The following PUM3 variants were observed in gnomAD, a reference collection of about 807,000 sequenced individuals.
The protein encoded by PUM3 is pumilio RNA binding family member 3.
In PUM3, 91 loss-of-function variants were observed where a neutral mutation model predicts 84.0. The observed-to-expected ratio is 1.08, with a 90% CI of 0.91 to 1.29. PUM3 has a LOEUF of 1.29. PUM3 is among the 50% of genes most tolerant of loss of function. The pLI, the probability that PUM3 is intolerant of heterozygous loss-of-function variation, is 0.00. For synonymous variants in PUM3, 321 were observed against 266.7 expected, an observed-to-expected ratio of 1.20 and a Z score of -1.98; for missense variants, 1,067 against 767.5, an observed-to-expected ratio of 1.39 and a Z score of -4.61.
chr9:2,834,121 T>G lies in PUM3; in HGVS notation c.350A>C (p.Lys117Thr). 2 of 1,613,700 alleles carry G rather than the reference T, an allele frequency of 1.2e-6. No homozygotes were observed. The highest frequency in any genetic ancestry group is 1.7e-6 in the Non-Finnish European group (2 of 1,179,750). The change falls in exon 4 of 18, where the codon AAG becomes ACG. Residue 117 changes from lysine (K) to threonine (T), a missense_variant. Coordinates refer to ENST00000397885, the MANE Select transcript of PUM3 (RefSeq NM_014878.5). ...TTGTCTGCTTTGCTTCAGTTCTTTC[T>G]TCTTCTTTTTGAAGTCATCCCATTT... is the stretch of plus-strand genomic sequence containing the variant. ...KPKWDDFKKK[K>T]KELKQSRQLS...
intron 3 of PUM3, 135 bp downstream of exon 3, chr9:2,837,045 G>T: frequency 1.4e-6 from 1 of 714,514 alleles, no homozygotes; most frequent in South Asian, 1.8e-5. Flanking sequence ...ATGCTTTGTT[G>T]TTTATTTAAG....
intron 10 of PUM3, among the ~76,000 whole-genome samples, chr9:2,826,607 T>C (rs1227360956): frequency 6.6e-6 from 1 of 152,224 alleles, no homozygotes; most frequent in African/African-American, 2.4e-5. Context: ...ATGACTGACT[T>C]GAAGGGCAGT....
At chr9:2,807,681 G>C (rs1329427553) in intron 17 of PUM3, 133 bp downstream of exon 17, 1 of 423,264 alleles carries the variant, frequency 2.4e-6, no homozygotes, top group African/African-American at 2.1e-5. Context: ...TGGTATGTTT[G>C]TCTAGACCAT....
At chr9:2,841,311 G>A (rs1816258498) in intron 1 of PUM3, among the ~76,000 whole-genome samples, 1 of 152,152 alleles carries the variant, frequency 6.6e-6, no homozygotes, top group South Asian at 2.1e-4. Context: ...AGGCTTGCAT[G>A]GTGGCTCACA....
intron 7 of PUM3, 47 bp downstream of exon 7, chr9:2,830,915 C>T (rs41272897): frequency 0.058 from 57,203 of 989,292 alleles, 2,414 homozygotes; most frequent in African/African-American, 0.18. Flanking sequence ...GAAACCATGT[C>T]TTCAAAAGAC....
At chr9:2,807,557 C>T (rs1229932312) in intron 17 of PUM3, among the ~76,000 whole-genome samples, 1 of 118,040 alleles carries the variant, frequency 8.5e-6, no homozygotes, top group Non-Finnish European at 1.6e-5. Context: ...GAGCTGAGAT[C>T]GTGACACTGC....
intron 14 of PUM3, 23 bp downstream of exon 14, chr9:2,812,197 C>A: frequency 1.2e-6 from 2 of 1,607,330 alleles, no homozygotes; most frequent in South Asian, 1.1e-5. Context: ...ATAAAGAAGT[C>A]AAGCCATTCT....
chr9:2,842,123 G>A (rs1385188063), intron 1 of PUM3, among the ~76,000 whole-genome samples: 2 of 152,126 alleles, frequency 1.3e-5, no homozygotes, highest in East Asian at 1.9e-4. Context: ...TTTTTGCACT[G>A]GGCAAAATGC....
In PUM3 at chr9:2,812,212, G is replaced by C; in HGVS notation, c.1412+8C>G. On this transcript the variant is annotated splice_region_variant and intron_variant, in intron 14 of 17. Transcript: ENST00000397885. ...ATAAAGAAGTCAAGCCATTCTACTT[G>C]GTTTTACCTGTGTGCATTTCCATCT... The C allele has an allele frequency of 6.2e-7, 1 of 1,611,812 alleles. No individual in the cohort carries two copies. Among genetic ancestry groups the C allele is most frequent in the South Asian group, 1.1e-5 (1 of 90,980 alleles).
intron 5 of PUM3, 89 bp from the exon 6 acceptor site, chr9:2,831,433 T>TAAAAAAA: frequency 1.2e-6 from 1 of 835,878 alleles, no homozygotes; most frequent in South Asian, 1.5e-5. Context: ...AATTTCTTGT[T>TAAAAAAA]AGAAAAAAAG....
chr9:2,842,086 T>C (rs1003596058), intron 1 of PUM3, among the ~76,000 whole-genome samples: 4 of 152,226 alleles, frequency 2.6e-5, no homozygotes, highest in Admixed American at 6.5e-5. Context: ...CATGGAATCA[T>C]ACAATATGTA....
At chr9:2,826,076 T>C (rs1432949546) in intron 10 of PUM3, among the ~76,000 whole-genome samples, 1 of 152,032 alleles carries the variant, frequency 6.6e-6, no homozygotes, top group Non-Finnish European at 1.5e-5. Flanking sequence ...TATATTCCAA[T>C]TATGCTTCCA....
At chr9:2,833,800 T>C (rs1191881984) in intron 4 of PUM3, among the ~76,000 whole-genome samples, 2 of 152,226 alleles carry the variant, frequency 1.3e-5, no homozygotes, top group African/African-American at 4.8e-5. Flanking sequence ...GTCAAATTTA[T>C]TTCAACCTCA....
At chr9:2,833,976 C>A in intron 4 of PUM3, 55 bp downstream of exon 4, 1 of 1,570,618 alleles carries the variant, frequency 6.4e-7, no homozygotes, top group Non-Finnish European at 8.7e-7. Context: ...ACAAGGTACA[C>A]TGACTTCTCC....
At chr9:2,824,102 G>A (rs773655280) in intron 11 of PUM3, among the ~76,000 whole-genome samples, 16 of 152,158 alleles carry the variant, frequency 1.1e-4, no homozygotes, top group Non-Finnish European at 2.2e-4. Context: ...CTTTCACAGT[G>A]AGACCAGACA....
intron 1 of PUM3, among the ~76,000 whole-genome samples, chr9:2,841,639 C>G (rs1476961702): frequency 6.6e-6 from 1 of 151,696 alleles, no homozygotes; most frequent in Non-Finnish European, 1.5e-5. Flanking sequence ...GACATCCTAC[C>G]TCCTCTTAAG....
chr9:2,813,750 A>C (rs1821414553), intron 13 of PUM3, among the ~76,000 whole-genome samples: 1 of 152,202 alleles, frequency 6.6e-6, no homozygotes, highest in Non-Finnish European at 1.5e-5. Context: ...CCTATGGCTG[A>C]TGATGCTGCT....
chr9:2,829,022 C>T (rs1046335262), intron 8 of PUM3, among the ~76,000 whole-genome samples: 2 of 152,198 alleles, frequency 1.3e-5, no homozygotes, highest in Non-Finnish European at 2.9e-5. Context: ...CAGTTACTTG[C>T]CAAGCACCTA....
Position 2,820,086 on chromosome 9 carries a change from G to A in PUM3, c.1201C>T (p.His401Tyr). The A allele has an allele frequency of 1.2e-6, 2 of 1,610,692 alleles. No homozygotes were observed. The highest frequency in any genetic ancestry group is 1.7e-6 in the Non-Finnish European group (2 of 1,177,416). The change falls in exon 13 of 18, where the codon CAT (histidine) becomes TAT (tyrosine). Residue 401 changes from histidine to tyrosine, a missense_variant. Coordinates refer to ENST00000397885, the MANE Select transcript of PUM3 (RefSeq NM_014878.5). ...TCAAATGCCGCCAGTAAAACCAAAT[G>A]GGAGTATTGGCCCTGCAAGAATTGG... ...VEKVANGQYS[H>Y]LVLLAAFDCI...
Sources: allele counts gnomAD v4.1 joint callset (sites outside exome capture counted in the v4.1 genomes callset), GRCh38; gene constraint gnomAD v4.1.1; transcripts MANE v1.5; gene names NCBI Gene and HGNC (gene_info 2026-07-23, HGNC 2026-07-21).